SPAG1: variants seen among roughly 807,000 people sequenced by gnomAD.
SPAG1 encodes the protein sperm associated antigen 1.
SPAG1 carries 69 observed loss-of-function variants against 100.5 expected under a neutral mutation model. That is an observed-to-expected ratio of 0.69 (90% CI 0.57 to 0.84). The LOEUF (loss-of-function observed/expected upper bound fraction) is 0.84, where lower values mean the gene tolerates loss of function less well. Ranked by LOEUF, SPAG1 falls within the 40% of genes least tolerant of loss-of-function variation. The probability of loss-of-function intolerance (pLI) is 0.00; values close to 1 mark genes in which losing one functional copy is unlikely to be tolerated. For missense variants in SPAG1, 955 were observed against 1,133.1 expected, an observed-to-expected ratio of 0.84 and a Z score of 2.26; for synonymous variants, 336 against 411.6, an observed-to-expected ratio of 0.82 and a Z score of 2.22.
At chr8:100,197,084 C>T (rs1817063939) in intron 10 of SPAG1, among the ~76,000 whole-genome samples, 1 of 151,958 alleles carries the variant, frequency 6.6e-6, no homozygotes, top group East Asian at 1.9e-4. Context: ...TTTCTCAAGA[C>T]AGAAGCTTGG....
At chr8:100,165,536 C>A in intron 2 of SPAG1, 1 of 373,942 alleles carries the variant, frequency 2.7e-6, no homozygotes, top group South Asian at 2.7e-5. Context: ...CCACTTCCTC[C>A]ACGGTGCCGG....
Position 100,162,259 on chromosome 8 carries a change from T to C in SPAG1, c.-2-20T>C, listed in dbSNP as rs1021820662. ...ATTATTTATACATTAGATTAATAAC[T>C]TTTAAATATTGTATTTCAGCTATGA... On this transcript the variant is annotated intron_variant, in intron 1 of 18. Transcript: ENST00000388798. 9.6e-6 allele frequency: 15 copies of C among 1,557,178 alleles called. No individual in the cohort carries two copies. Among genetic ancestry groups the C allele is most frequent in the Non-Finnish European group, 1.3e-5 (15 of 1,143,626 alleles).
At chr8:100,187,352 A>G (rs957153166) in intron 8 of SPAG1, 102 bp downstream of exon 8, 1 of 1,009,066 alleles carries the variant, frequency 9.9e-7, no homozygotes, top group African/African-American at 1.7e-5. Flanking sequence ...TTTCAGATAA[A>G]CTCAAATTTC....
intron 3 of SPAG1, among the ~76,000 whole-genome samples, chr8:100,171,050 C>G (rs1273441213): frequency 6.6e-6 from 1 of 151,990 alleles, no homozygotes; most frequent in African/African-American, 2.4e-5. Context: ...GAATTTTTAT[C>G]ATGAATGGGT....
chr8:100,223,480 ATC>A (rs577412934), intron 13 of SPAG1, among the ~76,000 whole-genome samples: 1 of 151,944 alleles, frequency 6.6e-6, no homozygotes, highest in Non-Finnish European at 1.5e-5. Flanking sequence ...TATATACAAT[ATC>A]TGTTTAAAAT....
At chr8:100,235,265 T>G (rs1185398302) in intron 16 of SPAG1, among the ~76,000 whole-genome samples, 1 of 152,172 alleles carries the variant, frequency 6.6e-6, no homozygotes, top group Non-Finnish European at 1.5e-5. Context: ...TAGGGCCTAC[T>G]GATTTTAACT....
At chr8:100,180,212 G>C (rs964888646) in intron 4 of SPAG1, among the ~76,000 whole-genome samples, 3 of 151,964 alleles carry the variant, frequency 2.0e-5, no homozygotes, top group African/African-American at 7.3e-5. Flanking sequence ...CATGCCTATA[G>C]TTCTAGTTCT....
In SPAG1 at chr8:100,213,145, C is replaced by T. The variant is rs1283390451; in HGVS notation, c.1152C>T (p.Asn384=). The part of the protein sequence containing the change: ...ARAAQPCVMG[N]IQKKLTGKAE... The stretch of plus-strand genomic sequence containing the variant: ...CCGCCCAGCCGTGCGTCATGGGCAA[C>T]ATCCAGAAGAAGCTGACTGGCAAAG... Residue 384 remains asparagine, a synonymous_variant, in exon 11 of 19, where the codon AAC becomes AAT. Coordinates refer to ENST00000388798, the MANE Select transcript of SPAG1 (RefSeq NM_003114.5). 6.7e-7 allele frequency: 1 copy of T among 1,483,334 alleles called. No individual in the cohort carries two copies. The highest frequency in any genetic ancestry group is 8.9e-7 in the Non-Finnish European group (1 of 1,123,690). The allele number at this position is 1,483,334 out of a possible 1,614,324, so 91.9% of individuals were successfully genotyped here. A position where few individuals can be genotyped will look rare whatever the true frequency, so the allele number is the denominator to read the frequency against.
At chr8:100,209,216 C>T (rs1326131088) in intron 10 of SPAG1, among the ~76,000 whole-genome samples, 1 of 151,948 alleles carries the variant, frequency 6.6e-6, no homozygotes, top group South Asian at 2.1e-4. Context: ...CTTGGACTGG[C>T]TCTCCTTGCA....
intron 8 of SPAG1, 95 bp downstream of exon 8, chr8:100,187,345 C>G (rs1816628611): frequency 9.6e-7 from 1 of 1,041,384 alleles, no homozygotes. Context: ...AAAAATATTT[C>G]AGATAAACTC....
At chr8:100,209,595 A>G (rs1411901716) in intron 10 of SPAG1, among the ~76,000 whole-genome samples, 1 of 148,860 alleles carries the variant, frequency 6.7e-6, no homozygotes, top group Non-Finnish European at 1.5e-5. Flanking sequence ...GATTGCTTTG[A>G]GTAGTATTAA....
intron 15 of SPAG1, among the ~76,000 whole-genome samples, chr8:100,232,278 T>C (rs1473271783): frequency 6.6e-6 from 1 of 152,150 alleles, no homozygotes; most frequent in Non-Finnish European, 1.5e-5. Flanking sequence ...GCTCATTGCC[T>C]GGTTCTCGTC....
intron 14 of SPAG1, among the ~76,000 whole-genome samples, chr8:100,227,970 G>A (rs1818592786): frequency 6.7e-5 from 10 of 149,934 alleles, no homozygotes. Flanking sequence ...CCTCAGTCCT[G>A]AGTAGCTGGG....
chr8:100,233,658 ACTGTAC>A, intron 16 of SPAG1, 121 bp downstream of exon 16: 3 of 1,000,144 alleles, frequency 3.0e-6, no homozygotes, highest in Non-Finnish European at 4.3e-6. Context: ...TAATCCTAGA[ACTGTAC>A]TAACCAGTTC....
Position 100,233,526 on chromosome 8 carries a change from A to G in SPAG1, c.2104A>G (p.Lys702Glu). ...KAFYRRALAH[K>E]GLKNYQKSLI... ...CTTCTATAGACGAGCTCTGGCTCAT[A>G]AAGGACTCAAGGTGAGGAAATCTTC... Residue 702 changes from lysine to glutamate, a missense_variant, in exon 16 of 19, where the codon AAA (lysine) becomes GAA (glutamate). By Grantham distance (56) the Lys-to-Glu change is moderately conservative. Coordinates refer to ENST00000388798, the MANE Select transcript of SPAG1 (RefSeq NM_003114.5). The G allele has an allele frequency of 6.2e-6, 10 of 1,601,960 alleles. No individual in the cohort carries two copies. Among genetic ancestry groups the G allele is most frequent in the Non-Finnish European group, 8.5e-6 (10 of 1,172,742 alleles).
At chr8:100,189,682 T>A (rs1370160876) in intron 8 of SPAG1, among the ~76,000 whole-genome samples, 1 of 152,080 alleles carries the variant, frequency 6.6e-6, no homozygotes, top group African/African-American at 2.4e-5. Flanking sequence ...ACAGAATATG[T>A]TAGCATTAGG....
intron 14 of SPAG1, among the ~76,000 whole-genome samples, chr8:100,227,841 ATTTTT>A (rs34049816): frequency 3.9e-5 from 4 of 103,794 alleles, no homozygotes; most frequent in Admixed American, 1.2e-4. Flanking sequence ...ATTGTGTCAG[ATTTTT>A]TTTTTTTTTT....
chr8:100,188,630 A>G (rs772652985), intron 8 of SPAG1, among the ~76,000 whole-genome samples: 1 of 152,228 alleles, frequency 6.6e-6, no homozygotes, highest in Non-Finnish European at 1.5e-5. Flanking sequence ...ATCAGACTCT[A>G]TTCTCCTTTT....
intron 12 of SPAG1, among the ~76,000 whole-genome samples, chr8:100,217,776 TTTTTC>T (rs924601972): frequency 2.0e-5 from 3 of 151,942 alleles, no homozygotes; most frequent in Non-Finnish European, 4.4e-5. Flanking sequence ...TCCTTTTTCG[TTTTTC>T]TTTTCTTTTC....
Sources: gnomAD v4.1 joint callset for allele counts (sites outside exome capture counted in the v4.1 genomes callset) on GRCh38, gnomAD v4.1.1 for gene constraint, MANE v1.5 for transcripts, NCBI Gene and HGNC (gene_info 2026-07-23, HGNC 2026-07-21) for gene names.